Variants in IQGAP2 observed in about 807,000 individuals in gnomAD.
The protein encoded by IQGAP2 is IQ motif containing GTPase activating protein 2.
IQGAP2 carries 173 observed loss-of-function variants against 201.3 expected under a neutral mutation model. That is an observed-to-expected ratio of 0.86 (90% CI 0.76 to 0.98). IQGAP2 has a LOEUF of 0.98. Ranked by LOEUF, IQGAP2 falls within the 50% of genes least tolerant of loss-of-function variation. The pLI, the probability that IQGAP2 is intolerant of heterozygous loss-of-function variation, is 0.00. For synonymous variants in IQGAP2, 675 were observed against 673.9 expected, an observed-to-expected ratio of 1.00 and a Z score of -0.03; for missense variants, 1,687 against 1,864.8, an observed-to-expected ratio of 0.90 and a Z score of 1.76.
At chr5:76,434,035 CAG>C (rs1380827165) in intron 1 of IQGAP2, among the ~76,000 whole-genome samples, 2 of 152,188 alleles carry the variant, frequency 1.3e-5, no homozygotes, top group South Asian at 2.1e-4. Flanking sequence ...GAATTGCCAT[CAG>C]ATTCATATTA....
chr5:76,606,286 T>G lies in IQGAP2; in HGVS notation c.1340T>G (p.Ile447Ser). The G allele has an allele frequency of 6.3e-7, 1 of 1,599,114 alleles. No individual in the cohort carries two copies. The stretch of plus-strand genomic sequence containing the variant: ...TGTATTGATATGGTTAATGCTCAAA[T>G]TCAAGAAGAAAATGACCGTAAGTAT... ...QNCIDMVNAQ[I>S]QEENDRVVAV... Residue 447 changes from isoleucine to serine, a missense_variant, in exon 12 of 36, where the codon ATT (isoleucine) becomes AGT (serine). Transcript: ENST00000274364.
At chr5:76,612,679 G>A (rs1279181030) in intron 13 of IQGAP2, among the ~76,000 whole-genome samples, 1 of 129,990 alleles carries the variant, frequency 7.7e-6, no homozygotes, top group Admixed American at 7.5e-5. Context: ...CAACCTAAAT[G>A]TTGTTAAGCA....
In IQGAP2 at chr5:76,486,707, T is replaced by G. The variant is rs539055204; in HGVS notation, c.146+25038T>G. 3.9e-5 allele frequency among the ~76,000 whole-genome samples: 6 copies of G among 152,328 alleles called. No homozygotes were observed. In the South Asian group the frequency reaches 1.0e-3, roughly 26 times the overall value. On this transcript the variant is annotated intron_variant, in intron 2 of 35. Coordinates refer to ENST00000274364, the MANE Select transcript of IQGAP2 (RefSeq NM_006633.5). The stretch of plus-strand genomic sequence containing the variant: ...ACACCCTTAAAAGTGACAACACCCA[T>G]GTAAAAGAAGCTGATTGTATATCTA...
At chr5:76,429,854 G>GACACAGACAC (rs1554055055) in intron 1 of IQGAP2, among the ~76,000 whole-genome samples, 1 of 81,576 alleles carries the variant, frequency 1.2e-5, no homozygotes, top group African/African-American at 5.1e-5. Context: ...ATGAAAAGGA[G>GACACAGACAC]ACACAGACAC....
intron 1 of IQGAP2, among the ~76,000 whole-genome samples, chr5:76,448,822 A>G (rs1053683393): frequency 6.6e-6 from 1 of 152,226 alleles, no homozygotes; most frequent in African/African-American, 2.4e-5. Context: ...AGTAATTATT[A>G]TAATATCATC....
chr5:76,462,180 A>G (rs1754497395), intron 2 of IQGAP2, among the ~76,000 whole-genome samples: 1 of 152,174 alleles, frequency 6.6e-6, no homozygotes, highest in East Asian at 1.9e-4. Context: ...GCTTGGATGT[A>G]GAGGAGCAAC....
At chr5:76,546,638 C>A (rs1186574335) in intron 2 of IQGAP2, among the ~76,000 whole-genome samples, 9 of 152,232 alleles carry the variant, frequency 5.9e-5, no homozygotes, top group African/African-American at 2.2e-4. Flanking sequence ...GGCACAAGAG[C>A]AGCATTGGTT....
chr5:76,653,354 G>A (rs542967659), intron 18 of IQGAP2, among the ~76,000 whole-genome samples: 1 of 152,294 alleles, frequency 6.6e-6, no homozygotes, highest in Non-Finnish European at 1.5e-5. Context: ...CAGAGGACTG[G>A]ACAAAAATCA....
At chr5:76,520,897 C>T (rs1013045277) in intron 2 of IQGAP2, among the ~76,000 whole-genome samples, 1 of 151,260 alleles carries the variant, frequency 6.6e-6, no homozygotes, top group African/African-American at 2.4e-5. Context: ...TTAGTAGAGG[C>T]GAGGTTTCAC....
intron 17 of IQGAP2, among the ~76,000 whole-genome samples, chr5:76,647,838 C>A (rs1010359719): frequency 1.3e-5 from 2 of 151,626 alleles, no homozygotes; most frequent in Non-Finnish European, 1.5e-5. Flanking sequence ...CACACACACA[C>A]ACACACACAC....
chr5:76,449,128 C>A (rs1383655040), intron 1 of IQGAP2, among the ~76,000 whole-genome samples: 1 of 152,148 alleles, frequency 6.6e-6, no homozygotes, highest in Non-Finnish European at 1.5e-5. Context: ...TTAGCTGTGT[C>A]CATAAAACAG....
intron 23 of IQGAP2, among the ~76,000 whole-genome samples, chr5:76,670,015 G>A (rs1189308074): frequency 6.6e-6 from 1 of 152,062 alleles, no homozygotes; most frequent in Non-Finnish European, 1.5e-5. Context: ...TAGAGAAGAG[G>A]TTTCACCATG....
rs1751502059 is a variant in IQGAP2, at chr5:76,640,663, A to T, written c.1924-270A>T. 1.3e-5 allele frequency among the ~76,000 whole-genome samples: 2 copies of T among 152,206 alleles called. 1 individual carries two copies. The highest frequency in any genetic ancestry group is 4.1e-4 in the South Asian group (2 of 4,832). ...TCAGGCCTCATGCCTGGTCCTTGCC[A>T]GCATCATCCATACATCTCTGCCTCC... On this transcript the variant is annotated intron_variant, in intron 16 of 35. Coordinates refer to ENST00000274364, the MANE Select transcript of IQGAP2 (RefSeq NM_006633.5).
At position 76,668,680 on chromosome 5, in the gene IQGAP2, G is replaced by A; in HGVS notation, c.2680-1G>A. On this transcript the variant is annotated splice_acceptor_variant, in intron 22 of 35. Coordinates refer to ENST00000274364, the MANE Select transcript of IQGAP2 (RefSeq NM_006633.5). LOFTEE classifies it high-confidence loss of function. ...TTTTCTTTTTCCTTCTTTCCTTCTA[G>A]ACCAACCCTTTATACTTGGCTAAGC... The A allele has an allele frequency of 6.2e-7, 1 of 1,603,608 alleles. No homozygotes were observed. Among genetic ancestry groups the A allele is most frequent in the South Asian group, 1.1e-5 (1 of 87,884 alleles).
chr5:76,526,871 G>C (rs1158790120), intron 2 of IQGAP2, among the ~76,000 whole-genome samples: 2 of 152,164 alleles, frequency 1.3e-5, no homozygotes, highest in African/African-American at 4.8e-5. Context: ...GATTTTGTCT[G>C]GATATTTTAT....
chr5:76,403,454 G>A lies in IQGAP2; in HGVS notation c.-92G>A, dbSNP rs923705784. 2 of 997,234 alleles carry A rather than the reference G, an allele frequency of 2.0e-6. No individual in the cohort carries two copies. Among genetic ancestry groups the A allele is most frequent in the Admixed American group, 4.3e-5 (1 of 23,286 alleles). 61.8% of individuals were successfully genotyped at this position (997,234 alleles called of 1,614,324 possible). A position where few individuals can be genotyped will look rare whatever the true frequency, so the allele number is the denominator to read the frequency against. ...GGGAAATCGGCGAGAGGCGGGATCC[G>A]AGCGCGCCGGCGGGGCGCAGAGCCC... is the stretch of plus-strand genomic sequence containing the variant. On this transcript the variant is annotated 5_prime_UTR_variant, in exon 1 of 36. Coordinates refer to ENST00000274364, the MANE Select transcript of IQGAP2 (RefSeq NM_006633.5). The surrounding 1 kb of genome is among the most constrained non-coding windows in gnomAD (Gnocchi z 4.8).
rs201358650 is a variant in IQGAP2, at chr5:76,467,599, CAG to C, written c.146+5933_146+5934del. On this transcript the variant is annotated intron_variant, in intron 2 of 35. Coordinates refer to ENST00000274364, the MANE Select transcript of IQGAP2 (RefSeq NM_006633.5). ...TCTGGCAGCTCTTTAAAAAATTAAA[CAG>C]AGTTACCATATGACCCAGCAATTAT... Among the ~76,000 whole-genome samples, 4 of 152,250 alleles carry C rather than the reference CAG, an allele frequency of 2.6e-5. No homozygotes were observed. The East Asian group carries it at 7.7e-4, about 29-fold the overall frequency.
intron 28 of IQGAP2, 93 bp from the exon 29 acceptor site, chr5:76,683,022 G>T: frequency 2.9e-6 from 2 of 682,580 alleles, no homozygotes; most frequent in South Asian, 2.2e-5. Context: ...GATTTAAATG[G>T]TATGAGGAGG....
At chr5:76,444,301 T>C (rs1005733168) in intron 1 of IQGAP2, among the ~76,000 whole-genome samples, 15 of 152,094 alleles carry the variant, frequency 9.9e-5, no homozygotes, top group African/African-American at 3.6e-4. Flanking sequence ...TTTTGTTTGT[T>C]TTGTTTTGTT....
Sources: gnomAD v4.1 joint callset for allele counts (sites outside exome capture counted in the v4.1 genomes callset) on GRCh38, gnomAD v4.1.1 for gene constraint, Gnocchi (gnomAD v3.1) non-coding constraint, MANE v1.5 for transcripts, NCBI Gene and HGNC (gene_info 2026-07-23, HGNC 2026-07-21) for gene names.